The following DEAF1 variants were observed in gnomAD, a reference collection of about 807,000 sequenced individuals.
The protein encoded by DEAF1 is deformed epidermal autoregulatory factor 1 homolog.
DEAF1 carries 53 observed loss-of-function variants against 58.9 expected under a neutral mutation model. That is an observed-to-expected ratio of 0.90 (90% confidence interval 0.72 to 1.13). The LOEUF (loss-of-function observed/expected upper bound fraction) is 1.13. Ranked by LOEUF, DEAF1 falls within the 50% of genes most tolerant of loss-of-function variation. The pLI, the probability that DEAF1 is intolerant of heterozygous loss-of-function variation, is 0.00. For synonymous variants in DEAF1, 385 were observed against 340.4 expected (o/e 1.13, Z -1.44); for missense variants, 685 against 791.4 (o/e 0.87, Z 1.61).
intron 1 of DEAF1, chr11:703,626 G>C: frequency 8.1e-7 from 1 of 1,232,766 alleles, no homozygotes; most frequent in East Asian, 3.2e-5. Context: ...TTTCCAAGTC[G>C]GGCTGGAGAC....
At chr11:670,497 T>C (rs1859763965) in intron 10 of DEAF1, among the ~76,000 whole-genome samples, 1 of 151,688 alleles carries the variant, frequency 6.6e-6, no homozygotes, top group South Asian at 2.1e-4. Flanking sequence ...AGTAGATCAC[T>C]TGAGGCCTGG....
At chr11:661,475 C>T (rs983754276) in intron 10 of DEAF1, among the ~76,000 whole-genome samples, 12 of 152,086 alleles carry the variant, frequency 7.9e-5, no homozygotes, top group Admixed American at 3.9e-4. Context: ...TTTGGAAGGC[C>T]GAGACAGGTG....
rs577263831 is a variant in DEAF1 at position 644,861 on chromosome 11, G to T, written c.1594-207C>A. Among the ~76,000 whole-genome samples, 51 of 152,238 alleles carry T rather than the reference G, an allele frequency of 3.4e-4. No homozygotes were observed. The highest frequency in any genetic ancestry group is 1.1e-3 in the African/African-American group (47 of 41,542). On this transcript the variant is annotated intron_variant, in intron 11 of 11. Transcript: ENST00000382409. The surrounding 1 kb of genome is among the most constrained non-coding windows in gnomAD (Gnocchi z 4.3). ...CCACACTCTCTTGGTTTGAGGAATT[G>T]GATCAAAAGGCAAACAACAGGCAGG...
Position 672,067 on chromosome 11 carries a change from T to C in DEAF1, c.1503+2469A>G, listed in dbSNP as rs527684186. On this transcript the variant is annotated intron_variant, in intron 10 of 11. Coordinates refer to ENST00000382409, the MANE Select transcript of DEAF1 (RefSeq NM_021008.4). ...GTTGCTGGTGTTTGGAGCTGTGGCA[T>C]ACCTAATGACCATGCATTCCTCCTA... 1.8e-4 allele frequency among the ~76,000 whole-genome samples: 28 copies of C among 152,300 alleles called. No homozygotes were observed. In the South Asian group the frequency reaches 5.6e-3, roughly 30 times the overall value.
At chr11:672,664 T>C (rs746852864) in intron 10 of DEAF1, among the ~76,000 whole-genome samples, 17 of 152,078 alleles carry the variant, frequency 1.1e-4, no homozygotes, top group South Asian at 2.1e-4. Flanking sequence ...CTGGCTAACA[T>C]AGTGAAACCC....
chr11:694,665 G>C (rs1447019556), intron 1 of DEAF1, 94 bp downstream of exon 1: 1 of 1,171,752 alleles, frequency 8.5e-7, no homozygotes, highest in Non-Finnish European at 1.1e-6. Flanking sequence ...GGACAGGTGT[G>C]GCGGGCTGGT....
In DEAF1 at chr11:644,646, C is replaced by A; in HGVS notation, c.1602G>T (p.Lys534Asn). The change falls in exon 12 of 12, where the codon AAG becomes AAT. Residue 534 changes from lysine to asparagine, a missense_variant. Around this residue, in one of 3 missense-constraint regions of DEAF1, gnomAD observed 343 missense variants for 379.8 expected, o/e 0.90. Coordinates refer to ENST00000382409, the MANE Select transcript of DEAF1 (RefSeq NM_021008.4). The surrounding 1 kb of genome is among the most constrained non-coding windows in gnomAD (Gnocchi z 4.3). ...ACTGGCCGCATATGTGCTGGTGATC[C>A]TTCCAGTCCTGGAAGGGAGGACACA... is the stretch of plus-strand genomic sequence containing the variant. ...CSTFCQRKDW[K>N]DHQHICGQSA... is the part of the protein sequence containing the mutation. The A allele has an allele frequency of 6.2e-7, 1 of 1,609,952 alleles. No individual in the cohort carries two copies. Among genetic ancestry groups the A allele is most frequent in the Non-Finnish European group, 8.5e-7 (1 of 1,179,038 alleles).
chr11:703,497 CAG>C, intron 1 of DEAF1: 2 of 1,254,368 alleles, frequency 1.6e-6, no homozygotes, highest in South Asian at 7.0e-5. Flanking sequence ...AGAGGGAGGA[CAG>C]AGCCCTTCAG....
intron 11 of DEAF1, among the ~76,000 whole-genome samples, chr11:648,980 G>A (rs116273343): frequency 0.015 from 2,293 of 152,332 alleles, 50 homozygotes; most frequent in African/African-American, 0.051. Flanking sequence ...GTTTTGCGCA[G>A]TGGCTCATGC....
Position 694,737 on chromosome 11 carries a change from A to G in DEAF1, c.289+22T>C, listed in dbSNP as rs1861030252. 3.9e-6 allele frequency: 5 copies of G among 1,291,518 alleles called. No homozygotes were observed. In the East Asian group the frequency reaches 1.6e-4, roughly 41 times the overall value. 80.0% of individuals were successfully genotyped at this position (1,291,518 alleles called of 1,614,324 possible). ...AGGCGCGCGGGAACCGGACGAGGCG[A>G]GAGGCCGGCGGGCGCACTTGCCTGC... is the stretch of plus-strand genomic sequence containing the variant. On this transcript the variant is annotated intron_variant, in intron 1 of 11. Transcript: ENST00000382409.
intron 10 of DEAF1, among the ~76,000 whole-genome samples, chr11:656,908 TAGA>T (rs1340525733): frequency 6.6e-6 from 1 of 152,122 alleles, no homozygotes; most frequent in Non-Finnish European, 1.5e-5. Flanking sequence ...CTAGGAAGGT[TAGA>T]AGGAGCTTTG....
In DEAF1 at chr11:694,937, C is replaced by T. The variant is rs781650054; in HGVS notation, c.111G>A (p.Ala37=). The part of the protein sequence containing the change: ...AAAAAAAGGE[A]EEPVLSRDED... ...CGTCCCTGCTCAGCACCGGCTCCTC[C>T]GCCTCGCCTCCTGCCGCGGCCGCGG... The change falls in exon 1 of 12, where the codon GCG becomes GCA. Residue 37 remains alanine, a synonymous_variant. Coordinates refer to ENST00000382409, the MANE Select transcript of DEAF1 (RefSeq NM_021008.4). 7 of 1,328,098 alleles carry T rather than the reference C, an allele frequency of 5.3e-6. No homozygotes were observed. The Admixed American group carries it at 1.1e-4, about 21-fold the overall frequency. 82.3% of individuals were successfully genotyped at this position (1,328,098 alleles called of 1,614,324 possible). A position where few individuals can be genotyped will look rare whatever the true frequency, so the allele number is the denominator to read the frequency against.
chr11:696,609 A>C (rs1337219347), upstream of DEAF1, among the ~76,000 whole-genome samples: 1 of 148,116 alleles, frequency 6.8e-6, no homozygotes, highest in Non-Finnish European at 1.5e-5. Flanking sequence ...TAAAAAAAAA[A>C]CTGTAAACAT....
chr11:655,875 C>A (rs1328980981), intron 10 of DEAF1, among the ~76,000 whole-genome samples: 1 of 152,114 alleles, frequency 6.6e-6, no homozygotes, highest in Non-Finnish European at 1.5e-5. Context: ...CTCTGTCGCC[C>A]AGGCTGGAGT....
At chr11:691,459 T>G in intron 2 of DEAF1, 42 bp downstream of exon 2, 1 of 1,580,842 alleles carries the variant, frequency 6.3e-7, no homozygotes, top group Middle Eastern at 1.7e-4. Context: ...GCCCCCAGCG[T>G]GGCACCACCC....
At chr11:681,981 T>G (rs1860395932) in intron 6 of DEAF1, among the ~76,000 whole-genome samples, 1 of 152,238 alleles carries the variant, frequency 6.6e-6, no homozygotes. Flanking sequence ...GGTGATACAT[T>G]GTAGCAACAG....
intron 10 of DEAF1, among the ~76,000 whole-genome samples, chr11:669,892 T>C (rs937863427): frequency 7.3e-6 from 1 of 136,774 alleles, no homozygotes; most frequent in Admixed American, 8.3e-5. Context: ...ATTGCATCAG[T>C]GTACTCCAGC....
intron 1 of DEAF1, chr11:693,785 A>G (rs992431566): frequency 6.6e-6 from 1 of 152,312 alleles, no homozygotes; most frequent in African/African-American, 2.4e-5. Flanking sequence ...CCTGAGAAGG[A>G]GACTGACCTG....
In DEAF1 at chr11:694,947, C is replaced by G. The variant is rs1001719666; in HGVS notation, c.101G>C (p.Gly34Ala). The change falls in exon 1 of 12, where the codon GGA becomes GCA. Residue 34 changes from glycine to alanine, a missense_variant. Coordinates refer to ENST00000382409, the MANE Select transcript of DEAF1 (RefSeq NM_021008.4). ...AVAAAAAAAA[G>A]GEAEEPVLSR... ...CAGCACCGGCTCCTCCGCCTCGCCTCCTGCCGCGGCCGCGGCCGCCGCCGC... is the reference window on the plus strand; with the variant it reads ...CAGCACCGGCTCCTCCGCCTCGCCTGCTGCCGCGGCCGCGGCCGCCGCCGC... 36 of 1,281,434 alleles carry G rather than the reference C, an allele frequency of 2.8e-5. No individual in the cohort carries two copies. The highest frequency in any genetic ancestry group is 3.8e-5 in the Admixed American group (1 of 26,448). The allele number at this position is 1,281,434 out of a possible 1,614,324, so 79.4% of individuals were successfully genotyped here.
Sources: gnomAD v4.1 joint callset for allele counts (sites outside exome capture counted in the v4.1 genomes callset) on GRCh38, gnomAD v4.1.1 for gene constraint, gnomAD v4.1.1 regional missense constraint, Gnocchi (gnomAD v3.1) non-coding constraint, MANE v1.5 for transcripts, NCBI Gene and HGNC (gene_info 2026-07-23, HGNC 2026-07-21) for gene names.